SPATS2: variants seen among roughly 807,000 people sequenced by gnomAD.
SPATS2 encodes spermatogenesis associated serine rich 2.
In SPATS2, 38 loss-of-function variants were observed where a neutral mutation model predicts 63.7. The ratio of observed to expected loss-of-function variants is 0.60; its 90% confidence interval spans 0.46 to 0.78. The LOEUF is 0.78. SPATS2 is among the 30% of genes least tolerant of loss of function. The pLI, the probability that SPATS2 is intolerant of heterozygous loss-of-function variation, is 0.00. For synonymous variants in SPATS2, 207 were observed against 232.9 expected (o/e 0.89, Z 1.01); for missense variants, 588 against 666.2 (o/e 0.88, Z 1.29).
intron 2 of SPATS2, among the ~76,000 whole-genome samples, chr12:49,395,079 T>TA (rs976891084): frequency 4.6e-5 from 7 of 152,076 alleles, no homozygotes; most frequent in Non-Finnish European, 7.4e-5. Context: ...TCTCGGGGGA[T>TA]AAAAAAAGAC....
At chr12:49,397,728 G>A (rs1051588564) in intron 2 of SPATS2, among the ~76,000 whole-genome samples, 12 of 151,626 alleles carry the variant, frequency 7.9e-5, no homozygotes, top group African/African-American at 2.9e-4. Context: ...TACGTGGAAG[G>A]CTGAGGTGGG....
At chr12:49,451,263 G>A (rs1008630553) in intron 2 of SPATS2, among the ~76,000 whole-genome samples, 3 of 151,776 alleles carry the variant, frequency 2.0e-5, no homozygotes, top group East Asian at 1.9e-4. Flanking sequence ...TTTTTTAAGC[G>A]TATGATTATT....
At chr12:49,399,370 G>T (rs1050842496) in intron 2 of SPATS2, among the ~76,000 whole-genome samples, 1 of 152,010 alleles carries the variant, frequency 6.6e-6, no homozygotes, top group Non-Finnish European at 1.5e-5. Flanking sequence ...GATTTCATCA[G>T]TTGTAAGATA....
intron 8 of SPATS2, among the ~76,000 whole-genome samples, chr12:49,497,775 T>G (rs2137925620): frequency 6.6e-6 from 1 of 152,234 alleles, no homozygotes; most frequent in Admixed American, 6.5e-5. Flanking sequence ...TGACAGACTC[T>G]AGCTTAGAAA....
At chr12:49,520,067 C>T (rs1378356815) in intron 11 of SPATS2, among the ~76,000 whole-genome samples, 1 of 152,044 alleles carries the variant, frequency 6.6e-6, no homozygotes, top group Admixed American at 6.5e-5. Flanking sequence ...GCAACCTCCG[C>T]CTCCCCGGTT....
rs550769117 is a variant in SPATS2, at chr12:49,420,331, C to T, written c.-243-40439C>T. ...AGTGAGGCCTGGGTACAGTGGCTCA[C>T]GCCTGTAATCCCAGCAATTTGGGAG... is the stretch of plus-strand genomic sequence containing the variant. On this transcript the variant is annotated intron_variant, in intron 2 of 13. Transcript: ENST00000552918. Among the ~76,000 whole-genome samples, 25 of 152,308 alleles carry T rather than the reference C, an allele frequency of 1.6e-4. No individual in the cohort carries two copies. In the South Asian group the frequency reaches 1.7e-3, roughly 10 times the overall value.
Position 49,466,079 on chromosome 12 carries a change from A to G in SPATS2, c.25+5042A>G, listed in dbSNP as rs372150103. ...GTCTGAGAATTCTCTGCCTAACTCA[A>G]AGTCAGAAAGACTTTTTCCCAGAAG... On this transcript the variant is annotated intron_variant, in intron 3 of 13. Transcript: ENST00000552918. Among the ~76,000 whole-genome samples the G allele has an allele frequency of 5.7e-4, 87 of 152,036 alleles. No individual in the cohort carries two copies. In the South Asian group the frequency reaches 0.012, roughly 21 times the overall value.
intron 9 of SPATS2, among the ~76,000 whole-genome samples, chr12:49,507,138 CA>C (rs1946667307): frequency 6.6e-6 from 1 of 152,164 alleles, no homozygotes; most frequent in Non-Finnish European, 1.5e-5. Flanking sequence ...GGTCCTAAAT[CA>C]CTATTATTCT....
At chr12:49,385,859 G>GTTT (rs1944307239) in intron 2 of SPATS2, among the ~76,000 whole-genome samples, 1 of 130,098 alleles carries the variant, frequency 7.7e-6, no homozygotes, top group Non-Finnish European at 1.6e-5. Flanking sequence ...TTGTTTGTTT[G>GTTT]TTTGTTTGTT....
chr12:49,409,590 CAAT>C lies in SPATS2; in HGVS notation c.-244+38301_-244+38303del, dbSNP rs1944759308. On this transcript the variant is annotated intron_variant, in intron 2 of 13. Transcript: ENST00000552918. ...TACAGGCGTGAGCCACTGTGCCCAGCAATTTTTTTTTTTTTTTTTTTTTTTTTT... is the reference window on the plus strand; with the variant it reads ...TACAGGCGTGAGCCACTGTGCCCAGCTTTTTTTTTTTTTTTTTTTTTTTTT... 1.6e-5 allele frequency among the ~76,000 whole-genome samples: 2 copies of C among 121,974 alleles called. 1 individual carries two copies. The highest frequency in any genetic ancestry group is 3.3e-5 in the Non-Finnish European group (2 of 60,292). 80.0% of individuals were successfully genotyped at this position (121,974 alleles called of 152,430 possible).
intron 3 of SPATS2, among the ~76,000 whole-genome samples, chr12:49,463,804 A>G (rs944589768): frequency 3.9e-5 from 6 of 152,180 alleles, no homozygotes; most frequent in Admixed American, 3.9e-4. Flanking sequence ...TCAGCAATAG[A>G]CCATGTTTTC....
At chr12:49,470,866 C>T (rs999780829) in intron 3 of SPATS2, among the ~76,000 whole-genome samples, 6 of 152,182 alleles carry the variant, frequency 3.9e-5, no homozygotes, top group African/African-American at 1.2e-4. Context: ...ATATTTGTTT[C>T]TGCCTTAATT....
At chr12:49,441,156 C>T (rs1945411591) in intron 2 of SPATS2, among the ~76,000 whole-genome samples, 1 of 152,206 alleles carries the variant, frequency 6.6e-6, no homozygotes, top group Non-Finnish European at 1.5e-5. Context: ...AATTGGGCTA[C>T]AGTGTATCTT....
intron 4 of SPATS2, chr12:49,486,477 GCATGA>G (rs1331894008): frequency 3.7e-6 from 1 of 271,038 alleles, no homozygotes; most frequent in Non-Finnish European, 7.3e-6. Context: ...GGGATTACAG[GCATGA>G]GCCACCGCAT....
chr12:49,430,963 A>G (rs1945175037), intron 2 of SPATS2, among the ~76,000 whole-genome samples: 1 of 152,192 alleles, frequency 6.6e-6, no homozygotes, highest in Admixed American at 6.5e-5. Flanking sequence ...GTGGGATTAC[A>G]GGCATGAGCC....
At position 49,527,328 on chromosome 12, in the gene SPATS2, A is replaced by G. The variant is rs1947052705; in HGVS notation, c.*1073A>G. The G allele has an allele frequency of 6.6e-6, 1 of 151,846 alleles. No individual in the cohort carries two copies. The highest frequency in any genetic ancestry group is 2.4e-5 in the African/African-American group (1 of 41,300). 9.4% of individuals were successfully genotyped at this position (151,846 alleles called of 1,614,324 possible). A position where few individuals can be genotyped will look rare whatever the true frequency, so the allele number is the denominator to read the frequency against. The stretch of plus-strand genomic sequence containing the variant: ...TATTCTGATCCTGAACCAAATTTAT[A>G]GCAATATAATTAGTGTTAATCTAAG... On this transcript the variant is annotated 3_prime_UTR_variant, in exon 14 of 14. Transcript: ENST00000552918.
intron 9 of SPATS2, among the ~76,000 whole-genome samples, chr12:49,503,669 A>G (rs939414304): frequency 2.0e-5 from 3 of 151,918 alleles, no homozygotes; most frequent in Non-Finnish European, 4.4e-5. Flanking sequence ...AAGAAAAAAG[A>G]AAGAGCTAAG....
chr12:49,484,549 AT>A, intron 3 of SPATS2, 40 bp from the exon 4 acceptor site: 1 of 1,590,728 alleles, frequency 6.3e-7, no homozygotes, highest in South Asian at 1.1e-5. Flanking sequence ...GATGGATTAT[AT>A]TTGGATCATG....
At chr12:49,502,131 C>T (rs1946576659) in intron 9 of SPATS2, among the ~76,000 whole-genome samples, 1 of 152,136 alleles carries the variant, frequency 6.6e-6, no homozygotes, top group African/African-American at 2.4e-5. Context: ...AAAGAACAAA[C>T]CATACATGCT....
Sources: allele counts gnomAD v4.1 joint callset (sites outside exome capture counted in the v4.1 genomes callset), GRCh38; gene constraint gnomAD v4.1.1; transcripts MANE v1.5; gene names NCBI Gene and HGNC (gene_info 2026-07-23, HGNC 2026-07-21).